THSD7B: variants seen among roughly 807,000 people sequenced by gnomAD.
The protein encoded by THSD7B is thrombospondin type 1 domain containing 7B, also known as thrombospondin type-1 domain-containing protein 7B.
Under a neutral mutation model 213.6 loss-of-function variants are expected in THSD7B, and 138 were observed. The ratio of observed to expected loss-of-function variants is 0.65; its 90% CI spans 0.56 to 0.74. The LOEUF is 0.74. Among genes scored for constraint, THSD7B ranks in the 30% least tolerant of loss-of-function variants. The pLI is 0.00. For missense variants in THSD7B, 1,931 were observed against 1,991.5 expected, an observed-to-expected ratio of 0.97 and a Z score of 0.58; for synonymous variants, 742 against 687.0, an observed-to-expected ratio of 1.08 and a Z score of -1.25.
chr2:137,065,951 G>A (rs1156558004), intron 3 of THSD7B, among the ~76,000 whole-genome samples: 2 of 150,288 alleles, frequency 1.3e-5, no homozygotes, highest in African/African-American at 5.0e-5. Context: ...AGATCAATTT[G>A]CATATGAAAA....
chr2:136,837,770 C>T (rs1682867116), intron 1 of THSD7B, among the ~76,000 whole-genome samples: 1 of 152,100 alleles, frequency 6.6e-6, no homozygotes, highest in Non-Finnish European at 1.5e-5. Context: ...ATATCCTTAC[C>T]CATCCTCTAA....
intron 17 of THSD7B, among the ~76,000 whole-genome samples, chr2:137,583,114 G>C (rs1228636825): frequency 6.6e-6 from 1 of 152,112 alleles, no homozygotes; most frequent in African/African-American, 2.4e-5. Flanking sequence ...TTTTTCATGT[G>C]TCTGTTGGCT....
intron 17 of THSD7B, among the ~76,000 whole-genome samples, chr2:137,579,496 A>C (rs1681530560): frequency 1.3e-5 from 2 of 152,096 alleles, no homozygotes; most frequent in South Asian, 4.1e-4. Flanking sequence ...TCCTAAATAA[A>C]TTAATATGCA....
At chr2:137,159,251 G>A (rs62172324) in intron 5 of THSD7B, among the ~76,000 whole-genome samples, 38,660 of 151,698 alleles carry the variant, frequency 0.25, 6,081 homozygotes, top group East Asian at 0.74. Flanking sequence ...AGGGAACATA[G>A]GGAGACCTTC....
intron 24 of THSD7B, among the ~76,000 whole-genome samples, chr2:137,657,802 C>A (rs994050415): frequency 6.6e-6 from 1 of 152,166 alleles, no homozygotes; most frequent in South Asian, 2.1e-4. Flanking sequence ...GCAACCTCTG[C>A]CTCCCTGGTT....
chr2:137,242,198 T>C (rs1233034448), intron 9 of THSD7B, among the ~76,000 whole-genome samples: 2 of 152,190 alleles, frequency 1.3e-5, no homozygotes, highest in Non-Finnish European at 2.9e-5. Flanking sequence ...TCATCTTTCA[T>C]TGGTTTCAGA....
At chr2:137,093,847 G>A (rs1687994367) in intron 3 of THSD7B, among the ~76,000 whole-genome samples, 1 of 152,022 alleles carries the variant, frequency 6.6e-6, no homozygotes, top group African/African-American at 2.4e-5. Context: ...TGCCATGCTG[G>A]TATGCTGTAC....
chr2:137,410,293 G>A lies in THSD7B; in HGVS notation c.2696-1316G>A, dbSNP rs1320913325. Among the ~76,000 whole-genome samples the A allele has an allele frequency of 3.3e-5, 5 of 151,514 alleles. No individual in the cohort carries two copies. The South Asian group carries it at 6.2e-4, about 19-fold the overall frequency. ...CTTTTTTTTTTTCTTTTTTGAGACA[G>A]CATCTTGCTCTGTCGCCCAGACTAG... On this transcript the variant is annotated intron_variant, in intron 13 of 27. Transcript: ENST00000409968.
chr2:137,428,150 T>A (rs1257816108), intron 14 of THSD7B, among the ~76,000 whole-genome samples: 3 of 152,076 alleles, frequency 2.0e-5, no homozygotes, highest in African/African-American at 7.2e-5. Context: ...ATCCAAGGAT[T>A]TAAGTAGGCA....
chr2:136,977,414 TG>T (rs1281031444), intron 2 of THSD7B, among the ~76,000 whole-genome samples: 1 of 142,222 alleles, frequency 7.0e-6, no homozygotes, highest in East Asian at 2.7e-4. Context: ...ACCCTGCTTC[TG>T]GGTTTGTTGA....
intron 14 of THSD7B, among the ~76,000 whole-genome samples, chr2:137,431,497 A>G (rs1687184630): frequency 6.6e-6 from 1 of 152,138 alleles, no homozygotes; most frequent in Non-Finnish European, 1.5e-5. Context: ...ATAGATGCAA[A>G]TTTTCTCCAC....
chr2:136,880,162 C>T (rs1683595139), intron 1 of THSD7B, among the ~76,000 whole-genome samples: 1 of 152,164 alleles, frequency 6.6e-6, no homozygotes, highest in Non-Finnish European at 1.5e-5. Context: ...ACAGAATATA[C>T]ATTCTTCTCA....
At chr2:137,077,897 G>A (rs544378889) in intron 3 of THSD7B, among the ~76,000 whole-genome samples, 208 of 152,228 alleles carry the variant, frequency 1.4e-3, no homozygotes, top group African/African-American at 4.9e-3. Context: ...TGAAGTCCTT[G>A]TCCATGCCTA....
Position 137,655,422 on chromosome 2 carries a change from T to C in THSD7B, c.3946-79T>C, listed in dbSNP as rs1683215910. 2.1e-6 allele frequency: 3 copies of C among 1,455,074 alleles called. No homozygotes were observed. The East Asian group carries it at 7.4e-5, about 36-fold the overall frequency. 90.1% of individuals were successfully genotyped at this position (1,455,074 alleles called of 1,614,324 possible). A position where few individuals can be genotyped will look rare whatever the true frequency, so the allele number is the denominator to read the frequency against. On this transcript the variant is annotated intron_variant, in intron 21 of 27. Coordinates refer to ENST00000409968, the MANE Select transcript of THSD7B (RefSeq NM_001316349.2). ...CGAAAATATGCAACTATGGTCTTCT[T>C]AGGCAAGAGGTGGCAAGAGCCAAAA... is the stretch of plus-strand genomic sequence containing the variant.
chr2:137,089,303 T>A (rs551020002), intron 3 of THSD7B, among the ~76,000 whole-genome samples: 44 of 149,296 alleles, frequency 2.9e-4, no homozygotes, highest in African/African-American at 1.1e-3. Context: ...TATATGTGTG[T>A]GTATATGTAT....
chr2:136,838,491 T>G (rs1682875267), intron 1 of THSD7B, among the ~76,000 whole-genome samples: 1 of 152,214 alleles, frequency 6.6e-6, no homozygotes, highest in Non-Finnish European at 1.5e-5. Context: ...CTCACTCTAC[T>G]GGGTACTAGA....
intron 12 of THSD7B, among the ~76,000 whole-genome samples, chr2:137,383,389 A>G (rs1685822449): frequency 6.6e-6 from 1 of 152,174 alleles, no homozygotes; most frequent in Non-Finnish European, 1.5e-5. Flanking sequence ...GCATCTCCCC[A>G]CTAGAAAAAC....
rs1681797221 is a variant in THSD7B at position 137,237,617 on chromosome 2, C to T, written c.2150+4484C>T. Among the ~76,000 whole-genome samples the T allele has an allele frequency of 2.0e-5, 3 of 152,186 alleles. No individual in the cohort carries two copies. In the South Asian group the frequency reaches 6.2e-4, roughly 31 times the overall value. On this transcript the variant is annotated intron_variant, in intron 9 of 27. Coordinates refer to ENST00000409968, the MANE Select transcript of THSD7B (RefSeq NM_001316349.2). ...ACAGCATCAGCACCCCAAAAGTTAT[C>T]AAAAGTCTTTTCTCTGTCAGTGATA...
intron 20 of THSD7B, among the ~76,000 whole-genome samples, chr2:137,640,312 C>G (rs973392528): frequency 6.6e-6 from 1 of 152,178 alleles, no homozygotes; most frequent in East Asian, 1.9e-4. Flanking sequence ...CTTTCACCTC[C>G]CATCATGGTT....
Sources: gnomAD v4.1 joint callset for allele counts (sites outside exome capture counted in the v4.1 genomes callset) on GRCh38, gnomAD v4.1.1 for gene constraint, MANE v1.5 for transcripts, NCBI Gene and HGNC (gene_info 2026-07-23, HGNC 2026-07-21) for gene names.